CCDC138: variants seen among roughly 807,000 people sequenced by gnomAD.
CCDC138 encodes the protein coiled-coil domain-containing protein 138.
CCDC138 carries 66 observed loss-of-function variants against 82.3 expected under a neutral mutation model. That is an observed-to-expected ratio of 0.80 (90% CI 0.66 to 0.98). The LOEUF (loss-of-function observed/expected upper bound fraction) is 0.98, where lower values mean the gene tolerates loss of function less well. CCDC138 is among the 50% of genes least tolerant of loss of function. The pLI is 0.00. For missense variants in CCDC138, 816 were observed against 758.9 expected (o/e 1.08, Z -0.88); for synonymous variants, 297 against 265.4 (o/e 1.12, Z -1.16).
chr2:108,879,677 T>C (rs1007461474), downstream of CCDC138, among the ~76,000 whole-genome samples: 2 of 152,198 alleles, frequency 1.3e-5, no homozygotes, highest in African/African-American at 2.4e-5. Flanking sequence ...GATGGGTCTT[T>C]TAATTGTTAC....
intron 11 of CCDC138, 109 bp downstream of exon 11, chr2:108,839,410 T>A (rs1465392476): frequency 1.1e-6 from 1 of 891,538 alleles, no homozygotes. Flanking sequence ...TTCAGAATAA[T>A]CTTCCCTATC....
At chr2:108,884,887 C>T (rs758199211) in intron 2 of CCDC138, 1 of 151,278 alleles carries the variant, frequency 6.6e-6, no homozygotes. Flanking sequence ...TGAAACACCT[C>T]TGCTCTGTGG....
chr2:108,858,114 C>T (rs143972345), intron 13 of CCDC138, among the ~76,000 whole-genome samples: 2,446 of 152,244 alleles, frequency 0.016, 74 homozygotes, highest in African/African-American at 0.057. Context: ...GAGGCCGAGG[C>T]GGGCAGATCA....
chr2:108,800,052 T>C (rs1408091056), intron 6 of CCDC138, among the ~76,000 whole-genome samples: 1 of 152,210 alleles, frequency 6.6e-6, no homozygotes, highest in African/African-American at 2.4e-5. Context: ...TTAAAAACTA[T>C]GTATCACCTG....
chr2:108,824,262 T>C (rs1238230760), intron 10 of CCDC138, among the ~76,000 whole-genome samples: 1 of 152,222 alleles, frequency 6.6e-6, no homozygotes, highest in Admixed American at 6.5e-5. Flanking sequence ...CTCTGTAATA[T>C]TAACACTTCA....
At chr2:108,834,973 G>A (rs1688334795) in intron 10 of CCDC138, among the ~76,000 whole-genome samples, 2 of 152,230 alleles carry the variant, frequency 1.3e-5, no homozygotes, top group Admixed American at 1.3e-4. Context: ...TCAGTTGGCA[G>A]CTCTTCAATT....
intron 6 of CCDC138, among the ~76,000 whole-genome samples, chr2:108,803,963 G>A (rs1187309973): frequency 6.6e-6 from 1 of 152,072 alleles, no homozygotes; most frequent in Non-Finnish European, 1.5e-5. Flanking sequence ...GTTATTTAAG[G>A]AATCAATATA....
chr2:108,786,800 GACTGGT>G lies in CCDC138; in HGVS notation c.-20_-15del, dbSNP rs1426569414. On this transcript the variant is annotated 5_prime_UTR_variant, in exon 1 of 15. Coordinates refer to ENST00000295124, the MANE Select transcript of CCDC138 (RefSeq NM_144978.3). ...GTTTGATGAACGCGGTTCCCGGGGA[GACTGGT>G]ACGGTTGCTGTGTGCTATGGAGCCG... The G allele has an allele frequency of 8.9e-6, 14 of 1,572,550 alleles. No individual in the cohort carries two copies. The highest frequency in any genetic ancestry group is 5.7e-5 in the Admixed American group (3 of 52,770).
Position 108,815,960 on chromosome 2 carries a change from T to G in CCDC138, c.1061T>G (p.Val354Gly). 6.2e-7 allele frequency: 1 copy of G among 1,610,606 alleles called. No individual in the cohort carries two copies. The highest frequency in any genetic ancestry group is 8.5e-7 in the Non-Finnish European group (1 of 1,178,902). The change falls in exon 10 of 15, where the codon GTT becomes GGT. Residue 354 changes from valine to glycine, a missense_variant. Val to Gly is a moderately radical substitution (Grantham distance 109, BLOSUM62 -3). Coordinates refer to ENST00000295124, the MANE Select transcript of CCDC138 (RefSeq NM_144978.3). ...KTYKVPLNGQ[V>G]YELLTVFMDW... ...ATATAGGTACCACTTAATGGGCAAG[T>G]TTATGAACTTTTAACTGTCTTCATG... is the stretch of plus-strand genomic sequence containing the variant.
rs1361049780 is a variant in CCDC138, at chr2:108,876,309, T to C, written c.*56T>C. ...GTGCTTATTTATAAACATGTAGAAATTACCAAAGTAACTACAATTCTACCA... is the reference window on the plus strand; with the variant it reads ...GTGCTTATTTATAAACATGTAGAAACTACCAAAGTAACTACAATTCTACCA... On this transcript the variant is annotated 3_prime_UTR_variant, in exon 15 of 15. Transcript: ENST00000295124. 1 of 962,118 alleles carries C rather than the reference T, an allele frequency of 1.0e-6. No homozygotes were observed. The highest frequency in any genetic ancestry group is 1.5e-6 in the Non-Finnish European group (1 of 664,638). 59.6% of individuals were successfully genotyped at this position (962,118 alleles called of 1,614,324 possible).
intron 8 of CCDC138, 47 bp downstream of exon 8, chr2:108,812,755 AT>A (rs745885554): frequency 1.2e-6 from 2 of 1,610,362 alleles, no homozygotes; most frequent in South Asian, 2.2e-5. Flanking sequence ...TTTTTAGATG[AT>A]TACCTTTGAG....
intron 5 of CCDC138, among the ~76,000 whole-genome samples, chr2:108,797,982 C>T (rs1184051143): frequency 2.7e-5 from 4 of 146,216 alleles, no homozygotes; most frequent in Admixed American, 1.4e-4. Flanking sequence ...TTTTTTTCTC[C>T]AGTGGTACTT....
At chr2:108,831,667 A>C (rs1016811623) in intron 10 of CCDC138, among the ~76,000 whole-genome samples, 1 of 149,092 alleles carries the variant, frequency 6.7e-6, no homozygotes, top group Non-Finnish European at 1.5e-5. Context: ...CTATCCCTGG[A>C]ATCTGATTTA....
At chr2:108,843,447 C>T (rs1474073226) in intron 11 of CCDC138, among the ~76,000 whole-genome samples, 9 of 152,198 alleles carry the variant, frequency 5.9e-5, no homozygotes, top group East Asian at 1.9e-4. Context: ...CATAAGCCAC[C>T]GCACCTGGCC....
chr2:108,798,848 CACACAT>C (rs1402582088), intron 6 of CCDC138, among the ~76,000 whole-genome samples: 1 of 149,160 alleles, frequency 6.7e-6, no homozygotes, highest in Non-Finnish European at 1.5e-5. Context: ...CACACACACA[CACACAT>C]TTTTTCTGAT....
At chr2:108,873,807 G>A (rs997278750) in intron 14 of CCDC138, among the ~76,000 whole-genome samples, 6 of 152,044 alleles carry the variant, frequency 3.9e-5, no homozygotes, top group Non-Finnish European at 8.8e-5. Context: ...TTTGTGTTGG[G>A]CCACATTCAA....
intron 7 of CCDC138, among the ~76,000 whole-genome samples, chr2:108,810,291 G>C (rs1683576057): frequency 6.6e-6 from 1 of 152,102 alleles, no homozygotes; most frequent in Non-Finnish European, 1.5e-5. Context: ...GTTATATATA[G>C]CTTTTAATGT....
At chr2:108,870,756 A>T (rs1052881087) in intron 13 of CCDC138, among the ~76,000 whole-genome samples, 6 of 152,242 alleles carry the variant, frequency 3.9e-5, no homozygotes, top group African/African-American at 1.4e-4. Flanking sequence ...GATTCCTCTT[A>T]TATGAGGTGC....
chr2:108,880,912 A>C (rs536842082), downstream of CCDC138, among the ~76,000 whole-genome samples: 206 of 152,334 alleles, frequency 1.4e-3, no homozygotes, highest in African/African-American at 4.6e-3. Context: ...TTTCAAGTCG[A>C]TTTGCTTCTC....
Sources: gnomAD v4.1 joint callset for allele counts (sites outside exome capture counted in the v4.1 genomes callset) on GRCh38, gnomAD v4.1.1 for gene constraint, MANE v1.5 for transcripts, NCBI Gene and HGNC (gene_info 2026-07-23, HGNC 2026-07-21) for gene names.